Variants in MAPKAPK2 observed in about 807,000 individuals in gnomAD.
MAPKAPK2 encodes MAP kinase-activated protein kinase 2.
In MAPKAPK2, 9 loss-of-function variants were observed where a neutral mutation model predicts 48.8. That is an observed-to-expected ratio of 0.18 (90% CI 0.11 to 0.32). The LOEUF is 0.32. Among genes scored for constraint, MAPKAPK2 ranks in the 10% least tolerant of loss-of-function variants. The probability of loss-of-function intolerance (pLI) is 1.00; values close to 1 mark genes in which losing one functional copy is unlikely to be tolerated. For missense variants in MAPKAPK2, 331 were observed against 498.3 expected (o/e 0.66, Z 3.20); for synonymous variants, 202 against 190.6 (o/e 1.06, Z -0.49).
At position 206,696,339 on chromosome 1, in the gene MAPKAPK2, A is replaced by G. The variant is rs892355611; in HGVS notation, c.279+10831A>G. 3.6e-5 allele frequency: 27 copies of G among 741,410 alleles called. No individual in the cohort carries two copies. The African/African-American group carries it at 4.7e-4, about 13-fold the overall frequency. The allele number at this position is 741,410 out of a possible 1,614,324, so 45.9% of individuals were successfully genotyped here. On this transcript the variant is annotated intron_variant, in intron 1 of 9. Transcript: ENST00000367103. ...TCTTTAGATATCGGATTGGACTGTA[A>G]ATCCCCTGAAAACCTACATCTTCAT...
intron 1 of MAPKAPK2, among the ~76,000 whole-genome samples, chr1:206,705,648 AG>A (rs1367999722): frequency 2.6e-5 from 4 of 152,242 alleles, no homozygotes; most frequent in Admixed American, 1.3e-4. Flanking sequence ...CACCAACCCA[AG>A]GGCATCTGGA....
intron 1 of MAPKAPK2, among the ~76,000 whole-genome samples, chr1:206,715,614 TC>T (rs1553430232): frequency 6.7e-6 from 1 of 150,336 alleles, no homozygotes; most frequent in African/African-American, 2.4e-5. Flanking sequence ...GTTTTTTTTT[TC>T]TTTTTCTTTC....
intron 1 of MAPKAPK2, among the ~76,000 whole-genome samples, chr1:206,699,826 G>A (rs1229779430): frequency 4.6e-5 from 7 of 152,272 alleles, no homozygotes; most frequent in Non-Finnish European, 8.8e-5. Context: ...GGAGCTGACC[G>A]TTAGTGCAGA....
At position 206,685,319 on chromosome 1, in the gene MAPKAPK2, C is replaced by G. The variant is rs782797008; in HGVS notation, c.90C>G (p.His30Gln). 2.3e-6 allele frequency: 3 copies of G among 1,333,102 alleles called. No individual in the cohort carries two copies. Among genetic ancestry groups the G allele is most frequent in the Non-Finnish European group, 3.0e-6 (3 of 1,001,918 alleles). 82.6% of individuals were successfully genotyped at this position (1,333,102 alleles called of 1,614,324 possible). ...PPQPPTPALP[H>Q]PPAQPPPPPP... Reference sequence around the variant, plus strand: ...AGCCCCCCACCCCTGCCCTGCCGCACCCCCCGGCGCAGCCGCCGCCGCCGC... The same window carrying G: ...AGCCCCCCACCCCTGCCCTGCCGCAGCCCCCGGCGCAGCCGCCGCCGCCGC... Residue 30 changes from histidine (H) to glutamine (Q), a missense_variant, in exon 1 of 10, where the codon CAC becomes CAG. By Grantham distance (24) the His-to-Gln change is conservative. Transcript: ENST00000367103.
At chr1:206,707,780 G>A (rs1467052898) in intron 1 of MAPKAPK2, among the ~76,000 whole-genome samples, 1 of 152,132 alleles carries the variant, frequency 6.6e-6, no homozygotes, top group African/African-American at 2.4e-5. Flanking sequence ...ACTACAAAGT[G>A]GACAGTCCAC....
chr1:206,732,480 CTTG>C lies in MAPKAPK2; in HGVS notation c.1060-90_1060-88del, dbSNP rs1673951274. ...CCACCCCTGCCGCCCTCACCCTGCC[CTTG>C]TTGTCTCTGTCTCTCACGTCTCTCT... is the stretch of plus-strand genomic sequence containing the variant. On this transcript the variant is annotated intron_variant, in intron 9 of 9. Transcript: ENST00000367103. The surrounding 1 kb of genome is among the most constrained non-coding windows in gnomAD (Gnocchi z 4.4). 6.4e-7 allele frequency: 1 copy of C among 1,560,782 alleles called. No homozygotes were observed. Among genetic ancestry groups the C allele is most frequent in the African/African-American group, 1.4e-5 (1 of 74,030 alleles).
intron 1 of MAPKAPK2, among the ~76,000 whole-genome samples, chr1:206,697,244 C>T (rs534995379): frequency 9.2e-5 from 14 of 152,210 alleles, no homozygotes; most frequent in Admixed American, 5.9e-4. Flanking sequence ...GCTACAGACA[C>T]GGCACAGACA....
chr1:206,726,238 T>C (rs1438499039), intron 1 of MAPKAPK2, among the ~76,000 whole-genome samples: 3 of 151,990 alleles, frequency 2.0e-5, no homozygotes, highest in Admixed American at 1.3e-4. Context: ...TACCAAAAAA[T>C]TAGCCAGACG....
At chr1:206,715,629 C>CTTTT (rs11349381) in intron 1 of MAPKAPK2, among the ~76,000 whole-genome samples, 11 of 131,564 alleles carry the variant, frequency 8.4e-5, no homozygotes, top group East Asian at 2.1e-4. Context: ...TTCTTTCTTT[C>CTTTT]TTTTTTTTTT....
intron 1 of MAPKAPK2, among the ~76,000 whole-genome samples, chr1:206,702,091 A>G (rs962877276): frequency 1.3e-5 from 2 of 152,186 alleles, no homozygotes; most frequent in African/African-American, 4.8e-5. Flanking sequence ...CCACCAACCT[A>G]TCATACCTGT....
intron 1 of MAPKAPK2, chr1:206,696,273 T>C: frequency 8.2e-7 from 1 of 1,217,704 alleles, no homozygotes; most frequent in South Asian, 1.2e-5. Context: ...GTGCCATTTC[T>C]GCATGTTGTT....
At position 206,704,220 on chromosome 1, in the gene MAPKAPK2, AGACTT is replaced by A. The variant is rs199915314; in HGVS notation, c.279+18713_279+18717del. ...TATGTCATTTGAATATGAACGCACT[AGACTT>A]TCTGGGAAATGTTGAAGATTTACGC... On this transcript the variant is annotated intron_variant, in intron 1 of 9. Transcript: ENST00000367103. This position sits in a 1 kb window ranked among gnomAD's most constrained non-coding sequence, Gnocchi z 4.3. Among the ~76,000 whole-genome samples the A allele has an allele frequency of 8.9e-3, 1,349 of 152,260 alleles. 15 individuals are homozygous for A. Among genetic ancestry groups the A allele is most frequent in the African/African-American group, 0.032 (1,309 of 41,476 alleles).
intron 3 of MAPKAPK2, 65 bp from the exon 4 acceptor site, chr1:206,729,331 T>C (rs908302816): frequency 7.8e-5 from 110 of 1,403,062 alleles, no homozygotes; most frequent in Middle Eastern, 5.3e-4. Flanking sequence ...GTGCACTGGG[T>C]TTTCAAGCCT....
In MAPKAPK2 at chr1:206,693,167, C is replaced by T. The variant is rs180946992; in HGVS notation, c.279+7659C>T. 2.0e-5 allele frequency among the ~76,000 whole-genome samples: 3 copies of T among 152,274 alleles called. No homozygotes were observed. In the East Asian group the frequency reaches 5.8e-4, roughly 29 times the overall value. On this transcript the variant is annotated intron_variant, in intron 1 of 9. Transcript: ENST00000367103. ...ATTGTTAGGAGGCTCTCAGTACACACCGGACCTTAGCAGCCTGGCCTCCTG... is the reference window on the plus strand; with the variant it reads ...ATTGTTAGGAGGCTCTCAGTACACATCGGACCTTAGCAGCCTGGCCTCCTG...
intron 1 of MAPKAPK2, among the ~76,000 whole-genome samples, chr1:206,689,845 G>A (rs1427563844): frequency 6.6e-6 from 1 of 152,242 alleles, no homozygotes; most frequent in Non-Finnish European, 1.5e-5. Flanking sequence ...GAACAATGCA[G>A]AAGAACATTT....
intron 1 of MAPKAPK2, among the ~76,000 whole-genome samples, chr1:206,711,992 TA>T (rs68002456): frequency 0.19 from 28,896 of 152,164 alleles, 2,856 homozygotes; most frequent in South Asian, 0.3. Flanking sequence ...CTAAAGTGAA[TA>T]TTTTTGATGG....
intron 1 of MAPKAPK2, among the ~76,000 whole-genome samples, chr1:206,715,457 GCCT>G (rs1221654619): frequency 6.6e-6 from 1 of 152,134 alleles, no homozygotes; most frequent in East Asian, 1.9e-4. Flanking sequence ...ATTTGTGGCT[GCCT>G]CCTCCTGGTT....
chr1:206,719,863 A>C (rs1673460231), intron 1 of MAPKAPK2, among the ~76,000 whole-genome samples: 2 of 152,240 alleles, frequency 1.3e-5, no homozygotes, highest in African/African-American at 4.8e-5. Context: ...CCTTTGCAGC[A>C]CAAATCACAG....
intron 1 of MAPKAPK2, 125 bp from the exon 2 acceptor site, chr1:206,728,585 T>TGG: frequency 2.3e-6 from 2 of 873,674 alleles, no homozygotes; most frequent in South Asian, 3.5e-5. Context: ...AGGGGGCTGG[T>TGG]GGGGGGGGCC....
Sources: gnomAD v4.1 joint callset for allele counts (sites outside exome capture counted in the v4.1 genomes callset) on GRCh38, gnomAD v4.1.1 for gene constraint, Gnocchi (gnomAD v3.1) non-coding constraint, MANE v1.5 for transcripts, NCBI Gene and HGNC (gene_info 2026-07-23, HGNC 2026-07-21) for gene names.